The following SH3RF2 variants were observed in gnomAD, a reference collection of about 807,000 sequenced individuals.
SH3RF2 encodes the protein SH3 domain containing ring finger 2, also known as E3 ubiquitin-protein ligase SH3RF2.
A neutral mutation model predicts 59.0 loss-of-function variants in SH3RF2; 43 were observed. The ratio of observed to expected loss-of-function variants is 0.73; its 90% CI spans 0.57 to 0.94. The LOEUF (loss-of-function observed/expected upper bound fraction) is 0.94. Among genes scored for constraint, SH3RF2 ranks in the 40% least tolerant of loss-of-function variants. The probability of loss-of-function intolerance (pLI) is 0.00; values close to 1 mark genes in which losing one functional copy is unlikely to be tolerated. For synonymous variants in SH3RF2, 391 were observed against 391.5 expected, an observed-to-expected ratio of 1.00 and a Z score of 0.01; for missense variants, 930 against 940.1, an observed-to-expected ratio of 0.99 and a Z score of 0.14.
intron 5 of SH3RF2, chr5:146,043,259 T>C (rs1762187157): frequency 6.6e-6 from 1 of 152,360 alleles, no homozygotes; most frequent in African/African-American, 2.4e-5. Flanking sequence ...CTTTGCCTTA[T>C]TGATTGAGCC....
intron 5 of SH3RF2, among the ~76,000 whole-genome samples, chr5:146,040,528 G>A (rs1762090398): frequency 6.6e-6 from 1 of 152,102 alleles, no homozygotes; most frequent in Admixed American, 6.5e-5. Context: ...GAGCAAAACT[G>A]GAGCAGATCA....
intron 2 of SH3RF2, among the ~76,000 whole-genome samples, chr5:145,962,627 T>C (rs1226545935): frequency 2.0e-5 from 3 of 152,228 alleles, no homozygotes; most frequent in African/African-American, 7.2e-5. Flanking sequence ...CATCCTCCCC[T>C]TCTATATCTT....
intron 5 of SH3RF2, among the ~76,000 whole-genome samples, chr5:146,024,024 G>A (rs553124838): frequency 1.3e-5 from 2 of 152,286 alleles, no homozygotes; most frequent in African/African-American, 4.8e-5. Flanking sequence ...GAGCGTTTGG[G>A]TTGTTTTTAC....
intron 2 of SH3RF2, among the ~76,000 whole-genome samples, chr5:145,944,318 T>G (rs911540146): frequency 1.3e-5 from 2 of 151,818 alleles, no homozygotes; most frequent in African/African-American, 4.8e-5. Context: ...CCTGGACAAC[T>G]TTACTCAATT....
chr5:145,943,651 T>C (rs572219279), intron 2 of SH3RF2, among the ~76,000 whole-genome samples: 3 of 152,276 alleles, frequency 2.0e-5, no homozygotes, highest in South Asian at 4.1e-4. Context: ...CTGCAGTGGG[T>C]TCCTCCGTGT....
intron 2 of SH3RF2, among the ~76,000 whole-genome samples, chr5:145,990,366 T>C (rs759209688): frequency 1.3e-5 from 2 of 152,246 alleles, no homozygotes; most frequent in Non-Finnish European, 2.9e-5. Context: ...TATTTCTCAG[T>C]ATCTGTATAT....
In SH3RF2 at chr5:146,062,616, A is replaced by G; in HGVS notation, c.2105A>G (p.Asp702Gly). 6.2e-7 allele frequency: 1 copy of G among 1,614,110 alleles called. No homozygotes were observed. Among genetic ancestry groups the G allele is most frequent in the Non-Finnish European group, 8.5e-7 (1 of 1,180,014 alleles). The change falls in exon 10 of 10, where the codon GAC (aspartate) becomes GGC (glycine). Residue 702 changes from aspartate to glycine, a missense_variant. Asp to Gly is a moderately conservative substitution (Grantham distance 94). Coordinates refer to ENST00000359120, the MANE Select transcript of SH3RF2 (RefSeq NM_152550.4). Reference protein sequence around the residue: ...RSGCHSGQQTDLRRKSALGKA... With the variant: ...RSGCHSGQQTGLRRKSALGKA... ...GGCTGCCACTCCGGACAGCAGACAG[A>G]CCTCCGGAGAAAGTCAGCTCTTGGC...
intron 7 of SH3RF2, among the ~76,000 whole-genome samples, chr5:146,055,176 G>A (rs754373899): frequency 6.6e-5 from 10 of 152,224 alleles, no homozygotes; most frequent in Non-Finnish European, 1.5e-4. Flanking sequence ...TTTGTTGCAG[G>A]CAGAATAAAG....
intron 2 of SH3RF2, among the ~76,000 whole-genome samples, chr5:145,946,300 C>T (rs567938092): frequency 1.0e-3 from 158 of 152,246 alleles, no homozygotes; most frequent in Non-Finnish European, 1.6e-3. Flanking sequence ...ATCTTTTTTC[C>T]GAGTACAAAC....
chr5:145,978,490 AGT>A (rs982713614), intron 2 of SH3RF2, among the ~76,000 whole-genome samples: 6 of 152,166 alleles, frequency 3.9e-5, no homozygotes, highest in African/African-American at 1.4e-4. Flanking sequence ...GCCCCATCTA[AGT>A]GTTTTTGAAA....
intron 4 of SH3RF2, among the ~76,000 whole-genome samples, chr5:146,012,965 T>G (rs1760964546): frequency 6.6e-6 from 1 of 152,120 alleles, no homozygotes; most frequent in Non-Finnish European, 1.5e-5. Context: ...GTTTTCTTTC[T>G]TTCTTGTTAC....
At chr5:145,993,638 T>C (rs1450102743) in intron 2 of SH3RF2, among the ~76,000 whole-genome samples, 1 of 152,272 alleles carries the variant, frequency 6.6e-6, no homozygotes, top group East Asian at 1.9e-4. Flanking sequence ...AAACTCTATA[T>C]TGGCTCCTTT....
At chr5:146,010,919 A>G (rs1285080651) in intron 4 of SH3RF2, among the ~76,000 whole-genome samples, 1 of 151,994 alleles carries the variant, frequency 6.6e-6, no homozygotes, top group East Asian at 1.9e-4. Flanking sequence ...TTTTGTTGCC[A>G]TTGCTTTTGG....
At chr5:146,043,081 G>C (rs769643521) in intron 5 of SH3RF2, 1 of 152,278 alleles carries the variant, frequency 6.6e-6, no homozygotes, top group Non-Finnish European at 1.5e-5. Flanking sequence ...GAGCAGACTT[G>C]CCTCCTCAGA....
At chr5:146,040,191 A>C (rs1281732788) in intron 5 of SH3RF2, among the ~76,000 whole-genome samples, 1 of 152,214 alleles carries the variant, frequency 6.6e-6, no homozygotes, top group Non-Finnish European at 1.5e-5. Context: ...ACAATATTCA[A>C]CTTCTATTTT....
intron 5 of SH3RF2, among the ~76,000 whole-genome samples, chr5:146,042,107 A>G (rs1762147072): frequency 6.6e-6 from 1 of 152,170 alleles, no homozygotes; most frequent in Non-Finnish European, 1.5e-5. Context: ...AAGTTACCGC[A>G]AGGCAAGAGC....
intron 4 of SH3RF2, among the ~76,000 whole-genome samples, chr5:146,008,355 T>TG (rs1387916734): frequency 1.3e-5 from 2 of 152,222 alleles, no homozygotes; most frequent in African/African-American, 4.8e-5. Flanking sequence ...GGTACTCACC[T>TG]GGGGACAGAA....
intron 5 of SH3RF2, among the ~76,000 whole-genome samples, chr5:146,038,276 C>G (rs1196391231): frequency 1.3e-5 from 2 of 152,164 alleles, no homozygotes; most frequent in East Asian, 3.9e-4. Context: ...AAAAAAAGAA[C>G]AAAATGCCCA....
In SH3RF2 at chr5:146,043,406, A is replaced by AGACCAAG. The variant is rs1175303816; in HGVS notation, c.1060-4366_1060-4365insGACCAAG. Among the ~76,000 whole-genome samples, 938 of 152,324 alleles carry AGACCAAG rather than the reference A, an allele frequency of 6.2e-3. 11 individuals are homozygous for AGACCAAG. The highest frequency in any genetic ancestry group is 0.022 in the African/African-American group (898 of 41,570). ...CTAATTCCAGACCTCGAGCTGAGTCAAGCTAAGGCCTCTTGGATGTTTCCT... is the reference window on the plus strand; with the variant it reads ...CTAATTCCAGACCTCGAGCTGAGTCAGACCAAGAGCTAAGGCCTCTTGGATGTTTCCT... On this transcript the variant is annotated intron_variant, in intron 5 of 9. Coordinates refer to ENST00000359120, the MANE Select transcript of SH3RF2 (RefSeq NM_152550.4).
Sources: gnomAD v4.1 joint callset for allele counts (sites outside exome capture counted in the v4.1 genomes callset) on GRCh38, gnomAD v4.1.1 for gene constraint, MANE v1.5 for transcripts, NCBI Gene and HGNC (gene_info 2026-07-23, HGNC 2026-07-21) for gene names.